DOCK4: variants seen among roughly 807,000 people sequenced by gnomAD.
DOCK4 encodes dedicator of cytokinesis protein 4.
A neutral mutation model predicts 268.1 loss-of-function variants in DOCK4; 97 were observed. The ratio of observed to expected loss-of-function variants is 0.36; its 90% CI spans 0.31 to 0.43. The LOEUF is 0.43. Ranked by LOEUF, DOCK4 falls within the 20% of genes least tolerant of loss-of-function variation. DOCK4 has a pLI of 1.00. For synonymous variants in DOCK4, 954 were observed against 887.2 expected (o/e 1.08, Z -1.34); for missense variants, 2,145 against 2,455.7 (o/e 0.87, Z 2.67).
chr7:111,729,659 C>T (rs1337801969), intron 52 of DOCK4, among the ~76,000 whole-genome samples: 2 of 152,176 alleles, frequency 1.3e-5, no homozygotes, highest in Non-Finnish European at 2.9e-5. Flanking sequence ...CGCCATAAAA[C>T]CTTTGGGGGC....
rs544019193 is a variant in DOCK4 at position 111,969,210 on chromosome 7, TAA to T, written c.701+7920_701+7921del. On this transcript the variant is annotated intron_variant, in intron 8 of 52. Coordinates refer to ENST00000428084, the MANE Select transcript of DOCK4 (RefSeq NM_001363540.2). ...ATGTACCCTAAAACTTAGAGTATAATAAAAAAAAAAAAAATTCACACAGCTGT... is the reference window on the plus strand; with the variant it reads ...ATGTACCCTAAAACTTAGAGTATAATAAAAAAAAAAAATTCACACAGCTGT... Among the ~76,000 whole-genome samples the T allele has an allele frequency of 1.1e-3, 112 of 98,142 alleles. No individual in the cohort carries two copies. In the Middle Eastern group the frequency reaches 0.017, roughly 15 times the overall value. 64.4% of individuals were successfully genotyped at this position (98,142 alleles called of 152,430 possible).
At chr7:112,074,000 T>G (rs1807840339) in intron 1 of DOCK4, among the ~76,000 whole-genome samples, 1 of 152,144 alleles carries the variant, frequency 6.6e-6, no homozygotes, top group Non-Finnish European at 1.5e-5. Context: ...TCACTCTGTA[T>G]CCCATAAATT....
At position 112,004,103 on chromosome 7, in the gene DOCK4, T is replaced by C. The variant is rs1276339447; in HGVS notation, c.66A>G (p.Pro22=). The change falls in exon 2 of 53, where the codon CCA becomes CCG. Residue 22 remains proline (P), a synonymous_variant. Coordinates refer to ENST00000428084, the MANE Select transcript of DOCK4 (RefSeq NM_001363540.2). ...VVIASFRGTV[P]YGLSLEIGDT... is the part of the protein sequence containing the mutation. ...CTCCAATTTCCAATGACAGGCCATA[T>C]GGAACGGTTCCTCGGAAACTGGCAA... 1.9e-6 allele frequency: 3 copies of C among 1,599,824 alleles called. No homozygotes were observed. The highest frequency in any genetic ancestry group is 1.7e-5 in the Admixed American group (1 of 58,258).
At chr7:111,754,081 G>A (rs1796868169) in intron 42 of DOCK4, among the ~76,000 whole-genome samples, 1 of 152,170 alleles carries the variant, frequency 6.6e-6, no homozygotes, top group Admixed American at 6.5e-5. Flanking sequence ...AATCATTAAT[G>A]CAGCATGGAT....
intron 39 of DOCK4, among the ~76,000 whole-genome samples, chr7:111,763,707 A>C (rs4730499): frequency 0.78 from 118,126 of 152,050 alleles, 46,641 homozygotes; most frequent in East Asian, 0.96. Context: ...ATCCCCAGCC[A>C]TCTGTGTGGC....
At chr7:111,988,475 A>G (rs527663101) in intron 6 of DOCK4, among the ~76,000 whole-genome samples, 30 of 152,324 alleles carry the variant, frequency 2.0e-4, no homozygotes, top group African/African-American at 6.7e-4. Flanking sequence ...GGTCAAGAAC[A>G]GCTTTTTACT....
At chr7:112,082,345 C>CAA (rs546564765) in intron 1 of DOCK4, among the ~76,000 whole-genome samples, 128 of 152,118 alleles carry the variant, frequency 8.4e-4, no homozygotes, top group Middle Eastern at 6.8e-3. Flanking sequence ...TGGGTCTGAA[C>CAA]AATTAGCAGC....
At chr7:111,974,297 T>C (rs1797961944) in intron 8 of DOCK4, among the ~76,000 whole-genome samples, 1 of 151,986 alleles carries the variant, frequency 6.6e-6, no homozygotes, top group African/African-American at 2.4e-5. Context: ...AGAAGATAAA[T>C]CTGAGGCTGT....
intron 30 of DOCK4, among the ~76,000 whole-genome samples, chr7:111,791,715 T>C (rs1252285119): frequency 6.6e-6 from 1 of 152,100 alleles, no homozygotes; most frequent in South Asian, 2.1e-4. Flanking sequence ...CCCAAAGTGC[T>C]AGGATTACAG....
At chr7:112,110,043 C>T (rs957531091) in intron 1 of DOCK4, among the ~76,000 whole-genome samples, 2 of 152,092 alleles carry the variant, frequency 1.3e-5, no homozygotes, top group Admixed American at 6.6e-5. Flanking sequence ...CGCGCCCGGC[C>T]GTAAAATCAT....
chr7:112,034,654 C>T (rs1306058204), intron 1 of DOCK4, among the ~76,000 whole-genome samples: 9 of 152,180 alleles, frequency 5.9e-5, no homozygotes, highest in Non-Finnish European at 7.4e-5. Context: ...TAATCCCACA[C>T]TTTGGAAGGC....
In DOCK4 at chr7:111,790,353, T is replaced by C. The variant is rs1357548973; in HGVS notation, c.3315+104A>G. The C allele has an allele frequency of 2.1e-6, 3 of 1,396,424 alleles. No individual in the cohort carries two copies. The Admixed American group carries it at 6.3e-5, about 29-fold the overall frequency. The allele number at this position is 1,396,424 out of a possible 1,614,324, so 86.5% of individuals were successfully genotyped here. On this transcript the variant is annotated intron_variant, in intron 31 of 52. Coordinates refer to ENST00000428084, the MANE Select transcript of DOCK4 (RefSeq NM_001363540.2). ...AGGCCAGGCTGGAATCTAGGTCTGCTGACCCAGTGTTCATTTCCCAAGTTG... is the reference window on the plus strand; with the variant it reads ...AGGCCAGGCTGGAATCTAGGTCTGCCGACCCAGTGTTCATTTCCCAAGTTG...
At chr7:111,866,354 A>C (rs542801523) in intron 22 of DOCK4, among the ~76,000 whole-genome samples, 1 of 152,372 alleles carries the variant, frequency 6.6e-6, no homozygotes, top group South Asian at 2.1e-4. Context: ...AACATCAATT[A>C]TCACATCAAA....
At chr7:111,891,490 A>G (rs1280783826) in intron 16 of DOCK4, among the ~76,000 whole-genome samples, 7 of 152,216 alleles carry the variant, frequency 4.6e-5, no homozygotes, top group Admixed American at 2.0e-4. Flanking sequence ...AATCAGATCT[A>G]TGTTATTGGC....
intron 1 of DOCK4, among the ~76,000 whole-genome samples, chr7:112,201,789 T>A (rs1003229626): frequency 4.6e-5 from 7 of 152,130 alleles, no homozygotes; most frequent in Non-Finnish European, 1.0e-4. Context: ...CTAAAGCATG[T>A]TCCCCCTGTC....
chr7:111,768,525 A>G (rs537425056), intron 37 of DOCK4, among the ~76,000 whole-genome samples: 1 of 152,322 alleles, frequency 6.6e-6, no homozygotes, highest in African/African-American at 2.4e-5. Flanking sequence ...TTTGAGTCTA[A>G]GACATGTACC....
Position 111,778,309 on chromosome 7 carries a change from A to G in DOCK4, c.3646T>C (p.Tyr1216His). 1 of 1,613,052 alleles carries G rather than the reference A, an allele frequency of 6.2e-7. No individual in the cohort carries two copies. The highest frequency in any genetic ancestry group is 8.5e-7 in the Non-Finnish European group (1 of 1,179,214). Residue 1216 changes from tyrosine (Y) to histidine (H), a missense_variant, in exon 36 of 53, where the codon TAT becomes CAT. By Grantham distance (83) the Tyr-to-His change is moderately conservative. Transcript: ENST00000428084. ...TTCTGTGCTTTGAGATGCAGATCAT[A>G]GAGTTTGTGAATGTAGCGTATATAC... The part of the protein sequence containing the change: ...EMYIRYIHKL[Y>H]DLHLKAQNFT...
intron 5 of DOCK4, among the ~76,000 whole-genome samples, chr7:111,992,313 T>C (rs957807621): frequency 2.0e-5 from 3 of 152,180 alleles, no homozygotes; most frequent in Non-Finnish European, 2.9e-5. Flanking sequence ...GAAAAGACGA[T>C]GGACAATAAC....
intron 1 of DOCK4, among the ~76,000 whole-genome samples, chr7:112,046,801 G>C (rs1474216753): frequency 6.6e-6 from 1 of 152,206 alleles, no homozygotes; most frequent in African/African-American, 2.4e-5. Flanking sequence ...TCCCTTGATA[G>C]AGGGTCCAGG....
Sources: allele counts gnomAD v4.1 joint callset (sites outside exome capture counted in the v4.1 genomes callset), GRCh38; gene constraint gnomAD v4.1.1; transcripts MANE v1.5; gene names NCBI Gene and HGNC (gene_info 2026-07-23, HGNC 2026-07-21).